Variants in CCSER1 observed in about 807,000 individuals in gnomAD.
CCSER1 encodes serine-rich coiled-coil domain-containing protein 1.
A neutral mutation model predicts 82.0 loss-of-function variants in CCSER1; 41 were observed. The observed-to-expected ratio is 0.50, with a 90% CI of 0.39 to 0.65. The LOEUF (loss-of-function observed/expected upper bound fraction) is 0.65. Ranked by LOEUF, CCSER1 falls within the 30% of genes least tolerant of loss-of-function variation. CCSER1 has a pLI of 0.00. For missense variants in CCSER1, 1,119 were observed against 1,064.2 expected, an observed-to-expected ratio of 1.05 and a Z score of -0.72; for synonymous variants, 414 against 383.9, an observed-to-expected ratio of 1.08 and a Z score of -0.92.
intron 5 of CCSER1, among the ~76,000 whole-genome samples, chr4:90,500,909 C>G (rs1769772363): frequency 6.6e-6 from 1 of 151,224 alleles, no homozygotes; most frequent in Admixed American, 6.6e-5. Context: ...AATTGGGAAA[C>G]AAAGGAAAAT....
At chr4:90,779,108 CTTCA>C (rs1320873237) in intron 7 of CCSER1, among the ~76,000 whole-genome samples, 3 of 152,120 alleles carry the variant, frequency 2.0e-5, no homozygotes, top group Admixed American at 2.0e-4. Flanking sequence ...CCCTTTACTG[CTTCA>C]TTCATTCTCT....
chr4:90,782,685 C>CTTTCT (rs1428237096), intron 7 of CCSER1, among the ~76,000 whole-genome samples: 6 of 133,980 alleles, frequency 4.5e-5, no homozygotes, highest in African/African-American at 1.4e-4. Flanking sequence ...TTCTTTCTTT[C>CTTTCT]TTTTTTTTTT....
At chr4:90,755,639 C>G (rs1014886688) in intron 7 of CCSER1, among the ~76,000 whole-genome samples, 4 of 152,112 alleles carry the variant, frequency 2.6e-5, no homozygotes, top group African/African-American at 4.8e-5. Context: ...AAATTGCATA[C>G]TTAACTTTGA....
At chr4:90,401,052 T>G (rs1752794168) in intron 4 of CCSER1, among the ~76,000 whole-genome samples, 1 of 152,198 alleles carries the variant, frequency 6.6e-6, no homozygotes, top group Non-Finnish European at 1.5e-5. Flanking sequence ...TTCATTTATG[T>G]AGTATATTTG....
chr4:90,904,595 T>C (rs1262864533), intron 8 of CCSER1, among the ~76,000 whole-genome samples: 1 of 152,170 alleles, frequency 6.6e-6, no homozygotes, highest in Non-Finnish European at 1.5e-5. Context: ...TGCTCTGGCA[T>C]TAGCCATGTG....
At chr4:90,884,876 G>T (rs1721887559) in intron 8 of CCSER1, among the ~76,000 whole-genome samples, 1 of 152,058 alleles carries the variant, frequency 6.6e-6, no homozygotes. Context: ...GGCAGATAAA[G>T]AAGGATGATT....
intron 6 of CCSER1, among the ~76,000 whole-genome samples, chr4:90,710,226 T>C (rs771535383): frequency 8.5e-5 from 13 of 152,128 alleles, no homozygotes; most frequent in Non-Finnish European, 1.9e-4. Context: ...TTGCAAAAAG[T>C]TTCTCCCATT....
At chr4:91,459,952 C>G (rs1242373828) in intron 10 of CCSER1, among the ~76,000 whole-genome samples, 2 of 152,052 alleles carry the variant, frequency 1.3e-5, no homozygotes, top group African/African-American at 4.8e-5. Flanking sequence ...AGAAAAAAGC[C>G]TAAGAGATAG....
chr4:91,137,168 C>G (rs1422145430), intron 10 of CCSER1, among the ~76,000 whole-genome samples: 6 of 115,570 alleles, frequency 5.2e-5, no homozygotes, highest in African/African-American at 1.3e-4. Context: ...CCCCTCCCCC[C>G]ACCCCACCAC....
chr4:91,554,349 T>C (rs555333905), intron 10 of CCSER1, among the ~76,000 whole-genome samples: 1 of 151,426 alleles, frequency 6.6e-6, no homozygotes, highest in East Asian at 1.9e-4. Flanking sequence ...AAAGAATGTA[T>C]TTTCTGCTGC....
intron 1 of CCSER1, among the ~76,000 whole-genome samples, chr4:90,276,920 A>G (rs1012262607): frequency 6.6e-5 from 10 of 152,174 alleles, no homozygotes; most frequent in African/African-American, 2.4e-4. Flanking sequence ...ATTGGTGTAT[A>G]GGAATGCTAG....
chr4:91,383,494 T>C (rs894347205), intron 10 of CCSER1, among the ~76,000 whole-genome samples: 3 of 152,174 alleles, frequency 2.0e-5, no homozygotes, highest in African/African-American at 7.2e-5. Context: ...GAATTTATGC[T>C]TCTTAATAAA....
At chr4:90,956,558 A>G (rs897372689) in intron 9 of CCSER1, among the ~76,000 whole-genome samples, 3 of 152,106 alleles carry the variant, frequency 2.0e-5, no homozygotes, top group Admixed American at 6.6e-5. Flanking sequence ...AAGTTGAGAA[A>G]CTTCTGTTTC....
chr4:90,295,294 G>A (rs928991518), intron 1 of CCSER1, among the ~76,000 whole-genome samples: 9 of 151,806 alleles, frequency 5.9e-5, no homozygotes, highest in African/African-American at 2.2e-4. Context: ...GGATTTCTTT[G>A]TAAATGTCTG....
At chr4:90,660,843 T>C (rs1160723142) in intron 6 of CCSER1, among the ~76,000 whole-genome samples, 1 of 152,194 alleles carries the variant, frequency 6.6e-6, no homozygotes, top group Non-Finnish European at 1.5e-5. Flanking sequence ...ATTTGATGGA[T>C]TTCGCAATCT....
intron 3 of CCSER1, among the ~76,000 whole-genome samples, chr4:90,359,599 G>A (rs1244045044): frequency 1.3e-5 from 2 of 151,812 alleles, no homozygotes; most frequent in Non-Finnish European, 2.9e-5. Flanking sequence ...TTAGCCGGGC[G>A]TGATGGTGGG....
At chr4:90,365,604 C>T (rs1187756593) in intron 3 of CCSER1, among the ~76,000 whole-genome samples, 1 of 151,778 alleles carries the variant, frequency 6.6e-6, no homozygotes, top group African/African-American at 2.4e-5. Context: ...AATAGGTAAA[C>T]ACTGGATATG....
chr4:90,398,165 C>G (rs768994016), intron 3 of CCSER1, among the ~76,000 whole-genome samples: 1 of 152,176 alleles, frequency 6.6e-6, no homozygotes, highest in Non-Finnish European at 1.5e-5. Context: ...TCATCACTCT[C>G]TGTGTGTGCT....
At position 90,296,880 on chromosome 4, in the gene CCSER1, G is replaced by A. The variant is rs1409438545; in HGVS notation, c.-41-11364G>A. On this transcript the variant is annotated intron_variant, in intron 1 of 10. Coordinates refer to ENST00000509176, the MANE Select transcript of CCSER1 (RefSeq NM_001145065.2). Reference sequence around the variant, plus strand: ...TGTGTTTTGGTACCAGTACCATGCTGTTTTGGTTACTGTAGCCTTGTAGTA... The same window carrying A: ...TGTGTTTTGGTACCAGTACCATGCTATTTTGGTTACTGTAGCCTTGTAGTA... Among the ~76,000 whole-genome samples, 27 of 152,288 alleles carry A rather than the reference G, an allele frequency of 1.8e-4. 1 individual carries two copies. In the East Asian group the frequency reaches 4.8e-3, roughly 27 times the overall value.
Sources: gnomAD v4.1 joint callset for allele counts (sites outside exome capture counted in the v4.1 genomes callset) on GRCh38, gnomAD v4.1.1 for gene constraint, MANE v1.5 for transcripts, NCBI Gene and HGNC (gene_info 2026-07-23, HGNC 2026-07-21) for gene names.